Variants in NRIP1 observed in about 807,000 individuals in gnomAD.
The protein encoded by NRIP1 is nuclear receptor interacting protein 1.
In NRIP1, 28 loss-of-function variants were observed where a neutral mutation model predicts 75.0. The observed-to-expected ratio is 0.37, with a 90% CI of 0.28 to 0.51. The LOEUF (loss-of-function observed/expected upper bound fraction) is 0.51, where lower values mean the gene tolerates loss of function less well. Among genes scored for constraint, NRIP1 ranks in the 20% least tolerant of loss-of-function variants. The probability of loss-of-function intolerance (pLI) is 0.92; values close to 1 mark genes in which losing one functional copy is unlikely to be tolerated. For missense variants in NRIP1, 1,435 were observed against 1,343.7 expected, an observed-to-expected ratio of 1.07 and a Z score of -1.06; for synonymous variants, 526 against 487.6, an observed-to-expected ratio of 1.08 and a Z score of -1.04.
intron 3 of NRIP1, among the ~76,000 whole-genome samples, chr21:14,994,577 A>C (rs1485624469): frequency 2.6e-5 from 4 of 152,220 alleles, no homozygotes; most frequent in Non-Finnish European, 4.4e-5. Flanking sequence ...ATTTTTTAAA[A>C]ATAGAAATTT....
chr21:15,062,348 T>C (rs1978371029), intron 1 of NRIP1, among the ~76,000 whole-genome samples: 2 of 152,248 alleles, frequency 1.3e-5, no homozygotes, highest in Non-Finnish European at 1.5e-5. Context: ...ATTTCCAGAA[T>C]TTCTGTAGTT....
chr21:15,061,936 G>C lies in NRIP1; in HGVS notation c.-538+2809C>G, dbSNP rs924803380. On this transcript the variant is annotated intron_variant, in intron 1 of 3. Transcript: ENST00000318948. Reference sequence around the variant, plus strand: ...TCTCCTTATCTTATTTGTTCCATTAGATTGGCATATTTTGCCTCATCTGTC... The same window carrying C: ...TCTCCTTATCTTATTTGTTCCATTACATTGGCATATTTTGCCTCATCTGTC... 5.9e-5 allele frequency among the ~76,000 whole-genome samples: 9 copies of C among 152,134 alleles called. 1 individual carries two copies. In the South Asian group the frequency reaches 6.2e-4, roughly 10 times the overall value.
chr21:15,065,656 A>C (rs2147460099), upstream of NRIP1: 1 of 151,524 alleles, frequency 6.6e-6, no homozygotes, highest in East Asian at 2.0e-4. Flanking sequence ...CTTTGACCCC[A>C]CGCCCAGCAC....
Position 14,965,781 on chromosome 21 carries a change from C to A in NRIP1, c.2412G>T (p.Glu804Asp), listed in dbSNP as rs377628831. 2.6e-5 allele frequency: 42 copies of A among 1,613,998 alleles called. No homozygotes were observed. The African/African-American group carries it at 4.4e-4, about 17-fold the overall frequency. Residue 804 changes from glutamate (E) to aspartate (D), a missense_variant, in exon 4 of 4, where the codon GAG (glutamate) becomes GAT (aspartate). Coordinates refer to ENST00000318948, the MANE Select transcript of NRIP1 (RefSeq NM_003489.4). ...AAGAAAAATCCTGAGGTGAAACAGG[C>A]TCCGATTTAAAGTCTTCGGACACTG... ...ALPVSEDFKS[E>D]PVSPQDFSFS...
At chr21:14,996,695 T>C (rs1474569258) in intron 3 of NRIP1, among the ~76,000 whole-genome samples, 1 of 152,204 alleles carries the variant, frequency 6.6e-6, no homozygotes, top group Non-Finnish European at 1.5e-5. Flanking sequence ...ACTTTTATTC[T>C]GTTCACCATG....
chr21:15,065,605 C>G (rs1978822061), upstream of NRIP1: 1 of 152,294 alleles, frequency 6.6e-6, no homozygotes, highest in Admixed American at 6.5e-5. Context: ...TCTGTGTGTC[C>G]TGCTTTAATG....
At chr21:15,059,780 CAA>C (rs2089384899) in intron 1 of NRIP1, among the ~76,000 whole-genome samples, 1 of 151,994 alleles carries the variant, frequency 6.6e-6, no homozygotes, top group Non-Finnish European at 1.5e-5. Context: ...TTCATAACCC[CAA>C]AGAGTGTTTT....
In NRIP1 at chr21:14,961,565, C is replaced by T. The variant is rs574781421; in HGVS notation, c.*3151G>A. The stretch of plus-strand genomic sequence containing the variant: ...ATTCTTTATGTTTAAAAGTGGTTGA[C>T]GATTAAAAAAATTCTTTAAGACCCT... On this transcript the variant is annotated 3_prime_UTR_variant, in exon 4 of 4. Coordinates refer to ENST00000318948, the MANE Select transcript of NRIP1 (RefSeq NM_003489.4). 7 of 152,328 alleles carry T rather than the reference C, an allele frequency of 4.6e-5. No homozygotes were observed. The highest frequency in any genetic ancestry group is 4.2e-4 in the South Asian group (2 of 4,814). The allele number at this position is 152,328 out of a possible 1,614,324, so 9.4% of individuals were successfully genotyped here. A position where few individuals can be genotyped will look rare whatever the true frequency, so the allele number is the denominator to read the frequency against.
intron 3 of NRIP1, among the ~76,000 whole-genome samples, chr21:15,004,699 T>C (rs549244119): frequency 1.3e-5 from 2 of 152,378 alleles, no homozygotes; most frequent in Admixed American, 1.3e-4. Context: ...CATTTTTAAC[T>C]AAGATTAATT....
At position 14,967,117 on chromosome 21, in the gene NRIP1, T is replaced by A; in HGVS notation, c.1076A>T (p.Asn359Ile). ...PMGIIPSSPK[N>I]AGYKNSLERN... is the part of the protein sequence containing the mutation. Reference sequence around the variant, plus strand: ...TTCCAGTGAGTTCTTATAACCTGCATTTTTAGGGGAAGAAGGAATGATACC... The same window carrying A: ...TTCCAGTGAGTTCTTATAACCTGCAATTTTAGGGGAAGAAGGAATGATACC... Residue 359 changes from asparagine to isoleucine, a missense_variant, in exon 4 of 4, where the codon AAT becomes ATT. Coordinates refer to ENST00000318948, the MANE Select transcript of NRIP1 (RefSeq NM_003489.4). The A allele has an allele frequency of 2.5e-6, 4 of 1,614,074 alleles. No homozygotes were observed. Among genetic ancestry groups the A allele is most frequent in the Non-Finnish European group, 2.5e-6 (3 of 1,179,982 alleles).
rs1304537394 is a variant in NRIP1, at chr21:14,963,154, T to C, written c.*1562A>G. On this transcript the variant is annotated 3_prime_UTR_variant, in exon 4 of 4. Coordinates refer to ENST00000318948, the MANE Select transcript of NRIP1 (RefSeq NM_003489.4). ...TGTGTACAATTCTGTCACGTATATG[T>C]GCCCTTTGTACTTTTTATTTAGTCA... 1 of 152,472 alleles carries C rather than the reference T, an allele frequency of 6.6e-6. No homozygotes were observed. Among genetic ancestry groups the C allele is most frequent in the East Asian group, 1.9e-4 (1 of 5,206 alleles). The allele number at this position is 152,472 out of a possible 1,614,324, so 9.4% of individuals were successfully genotyped here.
intron 3 of NRIP1, 50 bp downstream of exon 3, chr21:15,014,294 T>A: frequency 2.5e-6 from 1 of 395,250 alleles, no homozygotes; most frequent in Admixed American, 4.4e-5. Context: ...TGAAATATAT[T>A]AAAGTCATAA....
intron 2 of NRIP1, among the ~76,000 whole-genome samples, chr21:15,034,108 C>T (rs1320209627): frequency 1.3e-5 from 2 of 152,160 alleles, no homozygotes; most frequent in African/African-American, 4.8e-5. Flanking sequence ...ACAGGATAAA[C>T]ACCCTGAATT....
chr21:15,027,271 C>T (rs1347744140), intron 2 of NRIP1, among the ~76,000 whole-genome samples: 2 of 152,112 alleles, frequency 1.3e-5, no homozygotes, highest in Non-Finnish European at 2.9e-5. Context: ...ATTCTATGCT[C>T]GATGGTAGGT....
chr21:15,006,638 C>T (rs1324289066), intron 3 of NRIP1, among the ~76,000 whole-genome samples: 2 of 152,062 alleles, frequency 1.3e-5, no homozygotes, highest in Non-Finnish European at 2.9e-5. Context: ...TAAGAGGTTG[C>T]AAATTATTCC....
At chr21:14,980,293 G>A (rs549620736) in intron 3 of NRIP1, among the ~76,000 whole-genome samples, 2 of 151,978 alleles carry the variant, frequency 1.3e-5, no homozygotes, top group Middle Eastern at 3.4e-3. Context: ...GGCCAACATG[G>A]TGAAATCCTG....
intron 1 of NRIP1, among the ~76,000 whole-genome samples, chr21:15,056,961 G>C (rs2089321104): frequency 6.6e-6 from 1 of 152,130 alleles, no homozygotes. Flanking sequence ...ACTTAAAAAT[G>C]TACTATGTGC....
chr21:15,011,054 T>G (rs2088088848), intron 3 of NRIP1, among the ~76,000 whole-genome samples: 1 of 152,228 alleles, frequency 6.6e-6, no homozygotes, highest in Non-Finnish European at 1.5e-5. Context: ...TGTGAAAGTT[T>G]AAACACATTT....
chr21:14,972,439 C>T (rs541300028), intron 3 of NRIP1, among the ~76,000 whole-genome samples: 21 of 152,114 alleles, frequency 1.4e-4, no homozygotes, highest in African/African-American at 4.8e-4. Flanking sequence ...AATAAATAGA[C>T]GTTTTAAGGT....
Sources: allele counts gnomAD v4.1 joint callset (sites outside exome capture counted in the v4.1 genomes callset), GRCh38; gene constraint gnomAD v4.1.1; transcripts MANE v1.5; gene names NCBI Gene and HGNC (gene_info 2026-07-23, HGNC 2026-07-21).